The following NLGN1 variants were observed in gnomAD, a reference collection of about 807,000 sequenced individuals.
NLGN1 encodes the protein neuroligin-1.
Under a neutral mutation model 65.5 loss-of-function variants are expected in NLGN1, and 12 were observed. The ratio of observed to expected loss-of-function variants is 0.18; its 90% confidence interval spans 0.12 to 0.30. The LOEUF (loss-of-function observed/expected upper bound fraction) is 0.30. Among genes scored for constraint, NLGN1 ranks in the 10% least tolerant of loss-of-function variants. The pLI is 1.00. For missense variants in NLGN1, 750 were observed against 1,007.1 expected (o/e 0.74, Z 3.46); for synonymous variants, 350 against 359.5 (o/e 0.97, Z 0.30).
chr3:173,652,076 G>C (rs1172254351), intron 3 of NLGN1, among the ~76,000 whole-genome samples: 1 of 152,146 alleles, frequency 6.6e-6, no homozygotes, highest in Non-Finnish European at 1.5e-5. Context: ...TTACAGGTGT[G>C]AGCCACCATG....
chr3:173,489,154 A>G (rs1388031343), intron 2 of NLGN1, among the ~76,000 whole-genome samples: 4 of 151,798 alleles, frequency 2.6e-5, no homozygotes, highest in Non-Finnish European at 5.9e-5. Flanking sequence ...TTACATATGT[A>G]TACATGTGCC....
At chr3:173,814,107 T>C (rs1560424952) in intron 4 of NLGN1, among the ~76,000 whole-genome samples, 1 of 152,212 alleles carries the variant, frequency 6.6e-6, no homozygotes, top group East Asian at 1.9e-4. Flanking sequence ...GCAGGGTTCG[T>C]GGGGTCTGTG....
intron 4 of NLGN1, among the ~76,000 whole-genome samples, chr3:174,035,746 G>A (rs1730990102): frequency 6.6e-6 from 1 of 152,286 alleles, no homozygotes; most frequent in Non-Finnish European, 1.5e-5. Flanking sequence ...CCAGGTTCTT[G>A]TAGCCAGTGA....
intron 3 of NLGN1, among the ~76,000 whole-genome samples, chr3:173,714,792 T>C (rs1769571644): frequency 6.6e-6 from 1 of 152,114 alleles, no homozygotes; most frequent in African/African-American, 2.4e-5. Context: ...GAAAAATGTA[T>C]GGGTCAGATG....
chr3:173,469,347 C>G (rs185486063), intron 2 of NLGN1, among the ~76,000 whole-genome samples: 1 of 152,030 alleles, frequency 6.6e-6, no homozygotes, highest in Non-Finnish European at 1.5e-5. Context: ...CCAAACATAG[C>G]AATACCTCCC....
At chr3:173,536,503 C>G (rs1737460141) in intron 2 of NLGN1, among the ~76,000 whole-genome samples, 1 of 152,178 alleles carries the variant, frequency 6.6e-6, no homozygotes, top group African/African-American at 2.4e-5. Context: ...TAAGGACTAT[C>G]TAAATTGGAG....
intron 1 of NLGN1, among the ~76,000 whole-genome samples, chr3:173,417,253 TAGA>T (rs1713991369): frequency 6.6e-6 from 1 of 151,972 alleles, no homozygotes; most frequent in Non-Finnish European, 1.5e-5. Flanking sequence ...AGAGAGTTCG[TAGA>T]AGTAGAAATG....
chr3:173,914,693 C>G (rs1262892564), intron 4 of NLGN1, among the ~76,000 whole-genome samples: 1 of 152,130 alleles, frequency 6.6e-6, no homozygotes, highest in Non-Finnish European at 1.5e-5. Flanking sequence ...CACAGGGACA[C>G]TGAAACAGGA....
At chr3:174,288,471 T>C (rs1752372791), downstream of NLGN1, among the ~76,000 whole-genome samples, 1 of 151,494 alleles carries the variant, frequency 6.6e-6, no homozygotes, top group African/African-American at 2.4e-5. Flanking sequence ...ATTTGGGATG[T>C]CTTCTTTATA....
chr3:173,578,991 CAG>C (rs887526029), intron 2 of NLGN1, among the ~76,000 whole-genome samples: 3 of 152,150 alleles, frequency 2.0e-5, no homozygotes, highest in South Asian at 2.1e-4. Flanking sequence ...TAAAAGAAAA[CAG>C]AATCTTAATT....
At chr3:173,933,595 A>G (rs139897505) in intron 4 of NLGN1, among the ~76,000 whole-genome samples, 5 of 152,150 alleles carry the variant, frequency 3.3e-5, no homozygotes, top group South Asian at 4.1e-4. Flanking sequence ...GAAGACCCCA[A>G]GGATTTTGAG....
intron 1 of NLGN1, among the ~76,000 whole-genome samples, chr3:173,412,896 AATG>A (rs1712890443): frequency 6.6e-6 from 1 of 152,152 alleles, no homozygotes; most frequent in Non-Finnish European, 1.5e-5. Context: ...TGCAGTGCAT[AATG>A]CTGACAACAA....
chr3:173,717,487 TTAGCCATGATCCATGGCTAATA>T (rs1770056472), intron 3 of NLGN1, among the ~76,000 whole-genome samples: 1 of 152,170 alleles, frequency 6.6e-6, no homozygotes, highest in Non-Finnish European at 1.5e-5. Context: ...TCAAACTGTT[TTAGCCATGATCCATGGCTAATA>T]ACCTATGTTA....
chr3:173,769,891 T>G (rs1451980761), intron 3 of NLGN1, among the ~76,000 whole-genome samples: 1 of 152,202 alleles, frequency 6.6e-6, no homozygotes, highest in Non-Finnish European at 1.5e-5. Flanking sequence ...TGGAAATATC[T>G]AAAAGGTAGC....
intron 2 of NLGN1, among the ~76,000 whole-genome samples, chr3:173,464,195 A>G (rs1723882014): frequency 6.6e-6 from 1 of 152,186 alleles, no homozygotes; most frequent in South Asian, 2.1e-4. Context: ...GAAGCATGAT[A>G]TGATATGTGC....
At chr3:174,011,309 C>A (rs1454535321) in intron 4 of NLGN1, among the ~76,000 whole-genome samples, 1 of 152,114 alleles carries the variant, frequency 6.6e-6, no homozygotes, top group Non-Finnish European at 1.5e-5. Context: ...CTTCTTTCAG[C>A]CATTCTGCTT....
At chr3:174,146,239 CAT>C (rs964266306) in intron 4 of NLGN1, among the ~76,000 whole-genome samples, 47 of 151,612 alleles carry the variant, frequency 3.1e-4, no homozygotes, top group Non-Finnish European at 2.2e-4. Flanking sequence ...ATATACAAGA[CAT>C]ATGTATAGCA....
At chr3:174,070,338 T>TG (rs1739550665) in intron 4 of NLGN1, among the ~76,000 whole-genome samples, 1 of 88,534 alleles carries the variant, frequency 1.1e-5, no homozygotes, top group African/African-American at 6.5e-5. Context: ...ACTTTTTGTG[T>TG]TTTTTTTTTT....
At chr3:174,010,254 G>A (rs1449149712) in intron 4 of NLGN1, among the ~76,000 whole-genome samples, 1 of 152,144 alleles carries the variant, frequency 6.6e-6, no homozygotes, top group Non-Finnish European at 1.5e-5. Context: ...AATGCAATTA[G>A]CCATTTGCTC....
Sources: allele counts gnomAD v4.1 joint callset (sites outside exome capture counted in the v4.1 genomes callset), GRCh38; gene constraint gnomAD v4.1.1; transcripts MANE v1.5; gene names NCBI Gene and HGNC (gene_info 2026-07-23, HGNC 2026-07-21).